The following PRELID2 variants were observed in gnomAD, a reference collection of about 807,000 sequenced individuals.
The protein encoded by PRELID2 is PRELI domain containing 2.
In PRELID2, 25 loss-of-function variants were observed where a neutral mutation model predicts 28.4. The ratio of observed to expected loss-of-function variants is 0.88; its 90% CI spans 0.64 to 1.23. PRELID2 has a LOEUF of 1.23. Among genes scored for constraint, PRELID2 ranks in the 50% most tolerant of loss-of-function variants. PRELID2 has a pLI of 0.00. For missense variants in PRELID2, 201 were observed against 214.4 expected (o/e 0.94, Z 0.39); for synonymous variants, 76 against 71.6 (o/e 1.06, Z -0.31).
chr5:145,761,514 G>A (rs377677853), intron 6 of PRELID2, among the ~76,000 whole-genome samples: 2 of 152,138 alleles, frequency 1.3e-5, no homozygotes, highest in African/African-American at 2.4e-5. Flanking sequence ...GGGGTAAGAC[G>A]TGATCAAACA....
At chr5:145,629,304 C>A (rs901526719) in intron 1 of PRELID2, among the ~76,000 whole-genome samples, 5 of 152,214 alleles carry the variant, frequency 3.3e-5, no homozygotes, top group African/African-American at 1.2e-4. Flanking sequence ...GTGTGCACAT[C>A]TGCATTTGTC....
the PRELID2 span, among the ~76,000 whole-genome samples, chr5:145,390,512 A>G: frequency 6.6e-6 from 1 of 152,184 alleles, no homozygotes; most frequent in Non-Finnish European, 1.5e-5. Context: ...TGAGAACAGC[A>G]TAAGGGTAAC....
chr5:145,462,764 G>A, the PRELID2 span, among the ~76,000 whole-genome samples: 1 of 152,186 alleles, frequency 6.6e-6, no homozygotes, highest in Non-Finnish European at 1.5e-5. Flanking sequence ...TCTACCGAAG[G>A]CGACACTCTC....
chr5:145,455,412 G>T, the PRELID2 span, among the ~76,000 whole-genome samples: 1 of 152,118 alleles, frequency 6.6e-6, no homozygotes, highest in Non-Finnish European at 1.5e-5. Context: ...GCTTAGGATT[G>T]TCTTGGCTAT....
Position 145,738,471 on chromosome 5 carries a change from T to C in PRELID2, n.70+26460A>G, listed in dbSNP as rs145055092. ...ACTTGAAACCAATGAAAGTAGAAAA[T>C]GTGAGCAAAAAAATAGAAGATATAA... is the stretch of plus-strand genomic sequence containing the variant. On this transcript the variant is annotated intron_variant and non_coding_transcript_variant, in intron 1 of 2. Transcript: ENST00000510259. Among the ~76,000 whole-genome samples the C allele has an allele frequency of 1.2e-3, 181 of 151,342 alleles. 1 individual carries two copies. Among genetic ancestry groups the C allele is most frequent in the African/African-American group, 4.1e-3 (168 of 41,234 alleles).
chr5:145,320,415 C>A, the PRELID2 span, among the ~76,000 whole-genome samples: 1 of 151,786 alleles, frequency 6.6e-6, no homozygotes, highest in Admixed American at 6.6e-5. Context: ...GGACTACAGG[C>A]GCCCGCCACT....
the PRELID2 span, among the ~76,000 whole-genome samples, chr5:145,334,448 T>C: frequency 6.6e-6 from 1 of 152,214 alleles, no homozygotes; most frequent in Non-Finnish European, 1.5e-5. Context: ...TATAGTCTTT[T>C]AAAAATACTT....
intron 1 of PRELID2, among the ~76,000 whole-genome samples, chr5:145,532,429 G>T (rs1023490115): frequency 1.3e-4 from 20 of 152,022 alleles, no homozygotes; most frequent in African/African-American, 4.8e-4. Context: ...ACTATATCAA[G>T]CTCATTAACA....
At chr5:145,261,397 G>T in the PRELID2 span, among the ~76,000 whole-genome samples, 1 of 152,074 alleles carries the variant, frequency 6.6e-6, no homozygotes, top group Non-Finnish European at 1.5e-5. Context: ...CACAACAAAA[G>T]TACAACCAAG....
the PRELID2 span, among the ~76,000 whole-genome samples, chr5:145,290,586 A>T: frequency 1.7e-5 from 2 of 116,058 alleles, no homozygotes; most frequent in African/African-American, 6.6e-5. Context: ...AACATCACAC[A>T]CTGGGGCCTG....
intron 1 of PRELID2, among the ~76,000 whole-genome samples, chr5:145,682,169 GT>G (rs1420201200): frequency 1.3e-5 from 2 of 152,206 alleles, no homozygotes; most frequent in Admixed American, 1.3e-4. Flanking sequence ...ATGGAAAAAA[GT>G]GGGGAGAGGG....
chr5:145,805,969 C>T (rs2149834937), intron 4 of PRELID2, among the ~76,000 whole-genome samples: 1 of 152,238 alleles, frequency 6.6e-6, no homozygotes, highest in Admixed American at 6.5e-5. Context: ...ATGAAACACA[C>T]TTACCATGAA....
chr5:145,470,381 C>A (rs1415600068), downstream of PRELID2, among the ~76,000 whole-genome samples: 2 of 152,116 alleles, frequency 1.3e-5, no homozygotes. Flanking sequence ...TTGCACCCAT[C>A]GACAAATATC....
At chr5:145,377,016 G>A in the PRELID2 span, among the ~76,000 whole-genome samples, 1 of 151,972 alleles carries the variant, frequency 6.6e-6, no homozygotes, top group Non-Finnish European at 1.5e-5. Flanking sequence ...TTTTGATGTG[G>A]ATATTTAGTG....
chr5:145,320,901 C>T, the PRELID2 span, among the ~76,000 whole-genome samples: 1 of 152,210 alleles, frequency 6.6e-6, no homozygotes, highest in African/African-American at 2.4e-5. Context: ...TTATTAACTA[C>T]TGTCTGTTGA....
chr5:145,733,604 A>T (rs1446397722), intron 1 of PRELID2, among the ~76,000 whole-genome samples: 2 of 152,218 alleles, frequency 1.3e-5, no homozygotes, highest in Non-Finnish European at 2.9e-5. Context: ...TGAGTACAGA[A>T]TCCTTCTAGA....
intron 1 of PRELID2, among the ~76,000 whole-genome samples, chr5:145,741,180 T>C (rs1290373115): frequency 1.9e-5 from 2 of 105,088 alleles, no homozygotes; most frequent in Non-Finnish European, 3.4e-5. Context: ...ATTTTATTTA[T>C]ATATAATATA....
chr5:145,714,837 C>G lies in PRELID2; in HGVS notation n.70+50094G>C, dbSNP rs537216336. 7.9e-5 allele frequency among the ~76,000 whole-genome samples: 12 copies of G among 152,114 alleles called. No homozygotes were observed. In the South Asian group the frequency reaches 2.5e-3, roughly 32 times the overall value. ...GCTTCTGTGCCATCCCTCTTTCCTGCTCTTCTTTCTACTTCATTATCTTCT... is the reference window on the plus strand; with the variant it reads ...GCTTCTGTGCCATCCCTCTTTCCTGGTCTTCTTTCTACTTCATTATCTTCT... On this transcript the variant is annotated intron_variant and non_coding_transcript_variant, in intron 1 of 2. Transcript: ENST00000510259.
At chr5:145,261,432 C>G in the PRELID2 span, among the ~76,000 whole-genome samples, 3 of 152,166 alleles carry the variant, frequency 2.0e-5, no homozygotes, top group African/African-American at 7.2e-5. Context: ...CCACTTCATT[C>G]CCCCACTACC....
Sources: gnomAD v4.1 joint callset for allele counts (sites outside exome capture counted in the v4.1 genomes callset) on GRCh38, gnomAD v4.1.1 for gene constraint, MANE v1.5 for transcripts, NCBI Gene and HGNC (gene_info 2026-07-23, HGNC 2026-07-21) for gene names.